TMEM132D: variants seen among roughly 807,000 people sequenced by gnomAD.
TMEM132D encodes the protein transmembrane protein 132D.
Under a neutral mutation model 62.3 loss-of-function variants are expected in TMEM132D, and 21 were observed. That is an observed-to-expected ratio of 0.34 (90% CI 0.24 to 0.49). TMEM132D has a LOEUF of 0.49. TMEM132D is among the 20% of genes least tolerant of loss of function. The pLI is 0.99. For missense variants in TMEM132D, 1,346 were observed against 1,402.8 expected, an observed-to-expected ratio of 0.96 and a Z score of 0.65; for synonymous variants, 621 against 575.6, an observed-to-expected ratio of 1.08 and a Z score of -1.13.
intron 4 of TMEM132D, among the ~76,000 whole-genome samples, chr12:129,291,666 C>T (rs944670115): frequency 1.3e-5 from 2 of 152,152 alleles, no homozygotes; most frequent in African/African-American, 2.4e-5. Flanking sequence ...GTTATTCTGA[C>T]AGCACGTGGT....
intron 1 of TMEM132D, among the ~76,000 whole-genome samples, chr12:129,789,799 T>C (rs1173836665): frequency 6.6e-6 from 1 of 152,168 alleles, no homozygotes; most frequent in Non-Finnish European, 1.5e-5. Flanking sequence ...AGCGACACCA[T>C]AGGGAGCCAC....
At chr12:129,474,523 C>T (rs1593027673) in intron 3 of TMEM132D, among the ~76,000 whole-genome samples, 3 of 152,162 alleles carry the variant, frequency 2.0e-5, no homozygotes, top group African/African-American at 7.2e-5. Flanking sequence ...TGACTTCCAG[C>T]CCAGTGTTCT....
chr12:129,682,859 T>TGAAAA (rs763532372), intron 2 of TMEM132D: 1 of 81,270 alleles, frequency 1.2e-5, no homozygotes, highest in Non-Finnish European at 2.3e-5. Context: ...ACTCCATCTC[T>TGAAAA]AAAAAAAAAA....
At chr12:129,665,095 C>A (rs1880345008) in intron 2 of TMEM132D, among the ~76,000 whole-genome samples, 1 of 152,068 alleles carries the variant, frequency 6.6e-6, no homozygotes, top group Non-Finnish European at 1.5e-5. Context: ...ATTCTGTCAT[C>A]CTGTGTGTGT....
At chr12:129,361,334 A>G (rs1025193404) in intron 3 of TMEM132D, among the ~76,000 whole-genome samples, 5 of 152,200 alleles carry the variant, frequency 3.3e-5, no homozygotes, top group African/African-American at 4.8e-5. Context: ...TTCCTGCCCA[A>G]TGTCTCTCTC....
At chr12:129,753,725 C>A (rs1157254140) in intron 1 of TMEM132D, among the ~76,000 whole-genome samples, 1 of 152,100 alleles carries the variant, frequency 6.6e-6, no homozygotes, top group Non-Finnish European at 1.5e-5. Context: ...ACATTTTTTG[C>A]GTGTTTCCTA....
At chr12:129,537,731 T>G (rs1028448962) in intron 2 of TMEM132D, among the ~76,000 whole-genome samples, 1 of 152,028 alleles carries the variant, frequency 6.6e-6, no homozygotes, top group Non-Finnish European at 1.5e-5. Context: ...AGAAGAGGAA[T>G]TGGTTCACAG....
intron 1 of TMEM132D, among the ~76,000 whole-genome samples, chr12:129,785,004 T>C (rs1871214538): frequency 1.3e-5 from 2 of 152,226 alleles, no homozygotes; most frequent in African/African-American, 2.4e-5. Context: ...GGTGTTTCTT[T>C]AGGCCCACTC....
intron 4 of TMEM132D, among the ~76,000 whole-genome samples, chr12:129,253,997 G>A (rs972354421): frequency 6.6e-6 from 1 of 152,206 alleles, no homozygotes; most frequent in Non-Finnish European, 1.5e-5. Context: ...GCAGTGACCA[G>A]GCATAAGGAT....
chr12:129,450,501 C>T (rs1237651991), intron 3 of TMEM132D, among the ~76,000 whole-genome samples: 1 of 152,050 alleles, frequency 6.6e-6, no homozygotes, highest in African/African-American at 2.4e-5. Context: ...ATAGTCTAAT[C>T]CCATGTAAGT....
chr12:129,893,083 G>A (rs568425260), intron 1 of TMEM132D, among the ~76,000 whole-genome samples: 1 of 152,006 alleles, frequency 6.6e-6, no homozygotes, highest in Non-Finnish European at 1.5e-5. Context: ...CATCATGTTG[G>A]CCAGGCTGGT....
intron 5 of TMEM132D, among the ~76,000 whole-genome samples, chr12:129,157,773 A>C (rs1272634012): frequency 6.6e-6 from 1 of 152,230 alleles, no homozygotes; most frequent in East Asian, 1.9e-4. Context: ...GGCTTCTTTG[A>C]TAATCGTAAT....
At chr12:129,433,504 G>T (rs966038712) in intron 3 of TMEM132D, among the ~76,000 whole-genome samples, 1 of 152,078 alleles carries the variant, frequency 6.6e-6, no homozygotes, top group Non-Finnish European at 1.5e-5. Context: ...TCCTCCTTGT[G>T]TCAGGAGAGC....
At chr12:129,125,984 G>A (rs544147007) in intron 5 of TMEM132D, among the ~76,000 whole-genome samples, 1 of 152,202 alleles carries the variant, frequency 6.6e-6, no homozygotes, top group Non-Finnish European at 1.5e-5. Context: ...ATAGCACATG[G>A]TCAGGCTGGA....
At chr12:129,452,752 G>A (rs927269310) in intron 3 of TMEM132D, among the ~76,000 whole-genome samples, 4 of 152,184 alleles carry the variant, frequency 2.6e-5, no homozygotes, top group Non-Finnish European at 5.9e-5. Context: ...AGGGTAGGCA[G>A]AAATTTGCAG....
chr12:129,521,206 G>T (rs939779247), intron 3 of TMEM132D: 4 of 152,186 alleles, frequency 2.6e-5, no homozygotes, highest in Non-Finnish European at 5.9e-5. Flanking sequence ...CACTGGTCTT[G>T]TGATACGAGT....
At chr12:129,691,042 A>G (rs1881050455) in intron 2 of TMEM132D, among the ~76,000 whole-genome samples, 1 of 152,128 alleles carries the variant, frequency 6.6e-6, no homozygotes, top group Non-Finnish European at 1.5e-5. Context: ...ATAGATGGTA[A>G]GTCCAACAGA....
intron 6 of TMEM132D, among the ~76,000 whole-genome samples, chr12:129,083,627 C>T (rs186241481): frequency 6.6e-6 from 1 of 152,314 alleles, no homozygotes; most frequent in Admixed American, 6.5e-5. Flanking sequence ...AAGGAATGAG[C>T]TTGCAAGGAA....
Position 129,337,887 on chromosome 12 carries a change from G to A in TMEM132D, c.1116-70C>T, listed in dbSNP as rs1762358857. ...GGTATGGCACGCTTGGCAGAGAGTG[G>A]GCGGCCCTTGGCCATTTCTCTATGT... On this transcript the variant is annotated intron_variant, in intron 3 of 8. Transcript: ENST00000422113. 4.7e-6 allele frequency: 7 copies of A among 1,482,882 alleles called. No individual in the cohort carries two copies. The East Asian group carries it at 1.6e-4, about 34-fold the overall frequency. The allele number at this position is 1,482,882 out of a possible 1,614,324, so 91.9% of individuals were successfully genotyped here.
Sources: allele counts gnomAD v4.1 joint callset (sites outside exome capture counted in the v4.1 genomes callset), GRCh38; gene constraint gnomAD v4.1.1; transcripts MANE v1.5; gene names NCBI Gene and HGNC (gene_info 2026-07-23, HGNC 2026-07-21).